Variants in CYRIA observed in about 807,000 individuals in gnomAD.
CYRIA encodes CYFIP related Rac1 interactor A, also known as CYFIP-related Rac1 interactor A.
CYRIA carries 15 observed loss-of-function variants against 43.9 expected under a neutral mutation model. The ratio of observed to expected loss-of-function variants is 0.34; its 90% CI spans 0.23 to 0.53. The LOEUF (loss-of-function observed/expected upper bound fraction) is 0.53, where lower values mean the gene tolerates loss of function less well. Among genes scored for constraint, CYRIA ranks in the 20% least tolerant of loss-of-function variants. The pLI, the probability that CYRIA is intolerant of heterozygous loss-of-function variation, is 0.94. For synonymous variants in CYRIA, 117 were observed against 136.0 expected (o/e 0.86, Z 0.97); for missense variants, 236 against 394.2 (o/e 0.60, Z 3.40).
At chr2:16,621,972 T>C (rs748269994) in intron 2 of CYRIA, among the ~76,000 whole-genome samples, 6 of 152,178 alleles carry the variant, frequency 3.9e-5, no homozygotes, top group East Asian at 1.9e-4. Flanking sequence ...AGCACCAAGA[T>C]AGTGCGAGCC....
At chr2:16,564,216 C>A in intron 4 of CYRIA, 122 bp from the exon 5 acceptor site, 3 of 658,330 alleles carry the variant, frequency 4.6e-6, no homozygotes, top group Non-Finnish European at 7.6e-6. Context: ...CTACTTAAAT[C>A]AACACCGGTT....
chr2:16,609,155 C>T (rs1340733300), intron 2 of CYRIA, among the ~76,000 whole-genome samples: 1 of 152,188 alleles, frequency 6.6e-6, no homozygotes, highest in Non-Finnish European at 1.5e-5. Context: ...ACAGAGGCGG[C>T]TGCAGACATT....
chr2:16,564,352 T>TGGAAGAAA (rs1033011527), intron 4 of CYRIA, among the ~76,000 whole-genome samples: 1 of 152,168 alleles, frequency 6.6e-6, no homozygotes, highest in Non-Finnish European at 1.5e-5. Flanking sequence ...TACAAAAAAT[T>TGGAAGAAA]CACATCTAAA....
chr2:16,652,059 G>C (rs900480787), intron 1 of CYRIA, among the ~76,000 whole-genome samples: 1 of 152,290 alleles, frequency 6.6e-6, no homozygotes, highest in Admixed American at 6.5e-5. Context: ...GCAGCTGAAA[G>C]CAATCTTCCC....
intron 2 of CYRIA, among the ~76,000 whole-genome samples, chr2:16,608,597 C>A (rs1021883775): frequency 1.3e-5 from 2 of 152,224 alleles, no homozygotes; most frequent in Non-Finnish European, 2.9e-5. Flanking sequence ...AGTCATTGGA[C>A]TCTTTTGAAT....
In CYRIA at chr2:16,551,854, G is replaced by C. The variant is rs925115161; in HGVS notation, c.*1082C>G. On this transcript the variant is annotated 3_prime_UTR_variant, in exon 12 of 12. Transcript: ENST00000381323. ...CATTATGAATCATTAGTAAGGCCAG[G>C]AGTAAATTCAGGTGCACCAGGGCTT... 4 of 152,112 alleles carry C rather than the reference G, an allele frequency of 2.6e-5. No homozygotes were observed. The highest frequency in any genetic ancestry group is 9.7e-5 in the African/African-American group (4 of 41,432). The allele number at this position is 152,112 out of a possible 1,614,324, so 9.4% of individuals were successfully genotyped here.
intron 1 of CYRIA, among the ~76,000 whole-genome samples, chr2:16,645,250 A>G (rs1180495412): frequency 6.6e-6 from 1 of 152,194 alleles, no homozygotes; most frequent in African/African-American, 2.4e-5. Context: ...TGGCTTGCAT[A>G]TTTATTCCAC....
intron 1 of CYRIA, among the ~76,000 whole-genome samples, chr2:16,662,181 T>C (rs760450698): frequency 1.2e-4 from 19 of 152,198 alleles, no homozygotes; most frequent in Non-Finnish European, 2.2e-4. Flanking sequence ...AGCCTGAGCA[T>C]GGGCAATTTT....
At chr2:16,557,477 G>A (rs570622943) in intron 10 of CYRIA, among the ~76,000 whole-genome samples, 7 of 152,080 alleles carry the variant, frequency 4.6e-5, no homozygotes, top group South Asian at 4.1e-4. Flanking sequence ...AATGATTTAC[G>A]AGCCCAGTGA....
chr2:16,599,659 A>G lies in CYRIA; in HGVS notation c.-10-11530T>C, dbSNP rs1291667235. Among the ~76,000 whole-genome samples, 15 of 148,882 alleles carry G rather than the reference A, an allele frequency of 1.0e-4. No homozygotes were observed. The East Asian group carries it at 1.8e-3, about 18-fold the overall frequency. On this transcript the variant is annotated intron_variant, in intron 2 of 11. Transcript: ENST00000381323. ...CACTCCCTAGTGAGATGAACCCGGTACCTCAGATGGAAATGCAGAAATCAC... is the reference window on the plus strand; with the variant it reads ...CACTCCCTAGTGAGATGAACCCGGTGCCTCAGATGGAAATGCAGAAATCAC...
chr2:16,578,102 G>A (rs1667415283), intron 3 of CYRIA, among the ~76,000 whole-genome samples: 2 of 152,184 alleles, frequency 1.3e-5, no homozygotes, highest in South Asian at 4.1e-4. Flanking sequence ...CTGAAGATGT[G>A]ACAGGAAAAC....
chr2:16,641,437 C>T (rs1558439257), intron 1 of CYRIA, among the ~76,000 whole-genome samples: 2 of 152,132 alleles, frequency 1.3e-5, no homozygotes, highest in Non-Finnish European at 2.9e-5. Context: ...AATTCTAAAT[C>T]CTATCCAGCA....
chr2:16,646,823 A>AG (rs58766180), intron 1 of CYRIA, among the ~76,000 whole-genome samples: 21 of 151,864 alleles, frequency 1.4e-4, no homozygotes, highest in Admixed American at 5.9e-4. Flanking sequence ...GGTGAATTAA[A>AG]GGGGGGGGAT....
At chr2:16,589,145 T>A (rs1418349457) in intron 2 of CYRIA, among the ~76,000 whole-genome samples, 1 of 152,100 alleles carries the variant, frequency 6.6e-6, no homozygotes, top group East Asian at 1.9e-4. Flanking sequence ...TTCCTCTAAC[T>A]CTGCTGTAAG....
chr2:16,582,756 G>A (rs1012139425), intron 3 of CYRIA, among the ~76,000 whole-genome samples: 7 of 152,072 alleles, frequency 4.6e-5, no homozygotes, highest in South Asian at 2.1e-4. Flanking sequence ...TTGCCCATTC[G>A]TCAGCTGATG....
rs185679352 is a variant in CYRIA at position 16,656,036 on chromosome 2, G to A, written c.-167+9744C>T. ...CTTGGCTTGCAGGGGCATCTGAGTA[G>A]TCAGTTCCACCTGTGAGCTACACAA... On this transcript the variant is annotated intron_variant, in intron 1 of 11. Coordinates refer to ENST00000381323, the MANE Select transcript of CYRIA (RefSeq NM_030797.4). 4.7e-4 allele frequency among the ~76,000 whole-genome samples: 72 copies of A among 152,202 alleles called. No homozygotes were observed. In the East Asian group the frequency reaches 0.013, roughly 27 times the overall value.
chr2:16,631,336 G>A (rs1233062103), intron 1 of CYRIA, among the ~76,000 whole-genome samples: 1 of 152,360 alleles, frequency 6.6e-6, no homozygotes, highest in African/African-American at 2.4e-5. Context: ...CAGCTTCTCT[G>A]AGGGCAGTGA....
rs1289400890 is a variant in CYRIA at position 16,551,217 on chromosome 2, G to A, written c.*1719C>T. The A allele has an allele frequency of 5.3e-5, 8 of 152,106 alleles. No individual in the cohort carries two copies. The East Asian group carries it at 1.5e-3, about 29-fold the overall frequency. The allele number at this position is 152,106 out of a possible 1,614,324, so 9.4% of individuals were successfully genotyped here. ...AAGTATTTTTTCCCCTTTATTGGAG[G>A]ATCCAAGGGAAGATCAGCTGGTCAC... On this transcript the variant is annotated 3_prime_UTR_variant, in exon 12 of 12. Transcript: ENST00000381323.
chr2:16,556,016 A>G (rs1473650497), intron 10 of CYRIA, among the ~76,000 whole-genome samples: 1 of 152,148 alleles, frequency 6.6e-6, no homozygotes, highest in Non-Finnish European at 1.5e-5. Flanking sequence ...ATTTATATAG[A>G]TCACATTACA....
Sources: allele counts gnomAD v4.1 joint callset (sites outside exome capture counted in the v4.1 genomes callset), GRCh38; gene constraint gnomAD v4.1.1; transcripts MANE v1.5; gene names NCBI Gene and HGNC (gene_info 2026-07-23, HGNC 2026-07-21).